Variants in KCNMA1 observed in about 807,000 individuals in gnomAD.
KCNMA1 encodes potassium calcium-activated channel subfamily M alpha 1, also known as Calcium-activated potassium channel subunit alpha-1.
Under a neutral mutation model 140.0 loss-of-function variants are expected in KCNMA1, and 29 were observed. That is an observed-to-expected ratio of 0.21 (90% confidence interval 0.15 to 0.28). The LOEUF (loss-of-function observed/expected upper bound fraction) is 0.28, where lower values mean the gene tolerates loss of function less well. Ranked by LOEUF, KCNMA1 falls within the 10% of genes least tolerant of loss-of-function variation. The pLI, the probability that KCNMA1 is intolerant of heterozygous loss-of-function variation, is 1.00. For missense variants in KCNMA1, 880 were observed against 1,602.2 expected, an observed-to-expected ratio of 0.55 and a Z score of 7.70; for synonymous variants, 612 against 611.9, an observed-to-expected ratio of 1.00 and a Z score of 0.00.
intron 23 of KCNMA1, among the ~76,000 whole-genome samples, chr10:76,934,881 C>T (rs1405966357): frequency 6.6e-6 from 1 of 152,182 alleles, no homozygotes; most frequent in South Asian, 2.1e-4. Context: ...GTCACGGAAA[C>T]TTCCGCTTGA....
At chr10:77,609,752 T>A (rs74542527) in intron 1 of KCNMA1, among the ~76,000 whole-genome samples, 1,977 of 149,402 alleles carry the variant, frequency 0.013, 32 homozygotes, top group African/African-American at 0.035. Flanking sequence ...GTGTTCATTT[T>A]AAAAAAAAAA....
intron 1 of KCNMA1, among the ~76,000 whole-genome samples, chr10:77,595,458 G>A (rs763545286): frequency 1.3e-4 from 20 of 151,232 alleles, no homozygotes; most frequent in Non-Finnish European, 2.2e-4. Flanking sequence ...GATGTACCCC[G>A]GCACATGGAC....
At chr10:77,042,625 T>C (rs1479168581) in intron 14 of KCNMA1, among the ~76,000 whole-genome samples, 1 of 152,214 alleles carries the variant, frequency 6.6e-6, no homozygotes, top group Admixed American at 6.5e-5. Context: ...ATACAAACCT[T>C]TATTATTGAT....
intron 1 of KCNMA1, among the ~76,000 whole-genome samples, chr10:77,535,080 A>G (rs1048080257): frequency 6.6e-6 from 1 of 152,234 alleles, no homozygotes; most frequent in African/African-American, 2.4e-5. Flanking sequence ...TTACATGAAT[A>G]TGTTATATGA....
chr10:77,179,305 C>T (rs1032031780), intron 5 of KCNMA1, among the ~76,000 whole-genome samples: 1 of 152,126 alleles, frequency 6.6e-6, no homozygotes, highest in Non-Finnish European at 1.5e-5. Flanking sequence ...CTACTCTGCG[C>T]CAATATCCGG....
At chr10:76,870,001 G>A (rs987251944) in exon 28 of KCNMA1, 1 of 152,590 alleles carries the variant, frequency 6.6e-6, no homozygotes, top group Non-Finnish European at 1.5e-5. Context: ...TGGGCCAGAA[G>A]TTTTAGGCAG....
intron 24 of KCNMA1, chr10:76,913,098 C>T (rs1171736592): frequency 1.3e-5 from 2 of 152,108 alleles, no homozygotes; most frequent in East Asian, 1.9e-4. Context: ...AAGCCTGCTC[C>T]CTTATTTTGA....
intron 2 of KCNMA1, among the ~76,000 whole-genome samples, chr10:77,366,102 T>C (rs929886404): frequency 4.7e-5 from 7 of 148,702 alleles, no homozygotes; most frequent in Non-Finnish European, 8.9e-5. Context: ...GTACTATGCA[T>C]GTTCTTTCTT....
chr10:77,498,486 A>T (rs1431930618), intron 1 of KCNMA1: 3 of 152,376 alleles, frequency 2.0e-5, no homozygotes, highest in African/African-American at 7.2e-5. Flanking sequence ...AGATGCAAAC[A>T]GTTGGCACAA....
chr10:77,018,847 T>C lies in KCNMA1; in HGVS notation c.2015+166A>G, dbSNP rs561533247. 1.1e-3 allele frequency among the ~76,000 whole-genome samples: 164 copies of C among 152,246 alleles called. 5 individuals carry two copies. The South Asian group carries it at 0.033, about 31-fold the overall frequency. ...AAATTTTATTATTCTCATTCAAAGA[T>C]GTGGAATTCACTACATGAACTGGAG... On this transcript the variant is annotated intron_variant, in intron 17 of 27. Coordinates refer to ENST00000286628, the MANE Select transcript of KCNMA1 (RefSeq NM_001161352.2).
At chr10:77,025,683 A>G (rs1383746155) in intron 16 of KCNMA1, among the ~76,000 whole-genome samples, 1 of 152,100 alleles carries the variant, frequency 6.6e-6, no homozygotes, top group Non-Finnish European at 1.5e-5. Flanking sequence ...GGTCCTTTGA[A>G]TTTTCACACC....
intron 2 of KCNMA1, among the ~76,000 whole-genome samples, chr10:77,277,249 C>A (rs538245611): frequency 1.3e-5 from 2 of 152,290 alleles, no homozygotes; most frequent in South Asian, 4.1e-4. Flanking sequence ...AGGCCAAACT[C>A]TAATGAGAAG....
chr10:77,364,268 T>C (rs979816492), intron 2 of KCNMA1, among the ~76,000 whole-genome samples: 1 of 152,010 alleles, frequency 6.6e-6, no homozygotes, highest in African/African-American at 2.4e-5. Context: ...CTGGCCAACA[T>C]AGCAAAACCC....
At chr10:77,229,763 G>A (rs1256253756) in intron 3 of KCNMA1, among the ~76,000 whole-genome samples, 2 of 151,844 alleles carry the variant, frequency 1.3e-5, no homozygotes, top group Non-Finnish European at 1.5e-5. Context: ...ATATATATAT[G>A]TACACACACA....
At chr10:77,451,847 A>G (rs2097667007) in intron 1 of KCNMA1, among the ~76,000 whole-genome samples, 1 of 152,168 alleles carries the variant, frequency 6.6e-6, no homozygotes, top group Non-Finnish European at 1.5e-5. Flanking sequence ...GGAAACAAAA[A>G]GTTTGTGGAG....
intron 23 of KCNMA1, among the ~76,000 whole-genome samples, chr10:76,922,276 T>C (rs1293213160): frequency 2.6e-5 from 4 of 152,216 alleles, no homozygotes; most frequent in African/African-American, 9.6e-5. Context: ...GGAGAAGTTA[T>C]TATATCCAAG....
chr10:77,471,672 A>G (rs1317216471), intron 1 of KCNMA1, among the ~76,000 whole-genome samples: 1 of 151,504 alleles, frequency 6.6e-6, no homozygotes, highest in Non-Finnish European at 1.5e-5. Context: ...CTACACACAC[A>G]CACCACACAC....
Position 77,121,014 on chromosome 10 carries a change from C to T in KCNMA1, c.843G>A (p.Gln281=), listed in dbSNP as rs1162809671. Residue 281 remains glutamine, a synonymous_variant, in exon 6 of 28, where the codon CAG becomes CAA. Coordinates refer to ENST00000286628, the MANE Select transcript of KCNMA1 (RefSeq NM_001161352.2). ...LRFLRALRLI[Q]FSEILQFLNI... ...TCAGAAACTGCAAAATTTCTGAAAA[C>T]TGTATCAGTCTCAGAGCTCTTAAAA... The T allele has an allele frequency of 3.1e-6, 5 of 1,602,928 alleles. No individual in the cohort carries two copies. The East Asian group carries it at 8.9e-5, about 29-fold the overall frequency.
At chr10:77,256,907 C>A (rs1240081424) in intron 2 of KCNMA1, among the ~76,000 whole-genome samples, 1 of 152,060 alleles carries the variant, frequency 6.6e-6, no homozygotes, top group African/African-American at 2.4e-5. Context: ...AGTTCGAGAC[C>A]AGCCTGGGCA....
Sources: gnomAD v4.1 joint callset for allele counts (sites outside exome capture counted in the v4.1 genomes callset) on GRCh38, gnomAD v4.1.1 for gene constraint, MANE v1.5 for transcripts, NCBI Gene and HGNC (gene_info 2026-07-23, HGNC 2026-07-21) for gene names.